FGF5: variants seen among roughly 807,000 people sequenced by gnomAD.
FGF5 encodes fibroblast growth factor 5, also known as heparin-binding growth factor 5.
FGF5 carries 23 observed loss-of-function variants against 21.8 expected under a neutral mutation model. The ratio of observed to expected loss-of-function variants is 1.05; its 90% CI spans 0.76 to 1.49. The LOEUF is 1.49. Among genes scored for constraint, FGF5 ranks in the 40% most tolerant of loss-of-function variants. The probability of loss-of-function intolerance (pLI) is 0.00; values close to 1 mark genes in which losing one functional copy is unlikely to be tolerated. For missense variants in FGF5, 352 were observed against 332.9 expected (o/e 1.06, Z -0.45); for synonymous variants, 158 against 124.0 (o/e 1.27, Z -1.82).
chr4:80,278,508 C>T (rs1370750292), intron 2 of FGF5, among the ~76,000 whole-genome samples: 1 of 152,014 alleles, frequency 6.6e-6, no homozygotes, highest in Non-Finnish European at 1.5e-5. Flanking sequence ...CTCCTGCCTC[C>T]CGAGATAAAC....
In FGF5 at chr4:80,286,957, A is replaced by G; in HGVS notation, c.*285A>G. 3 of 280,458 alleles carry G rather than the reference A, an allele frequency of 1.1e-5. No homozygotes were observed. The highest frequency in any genetic ancestry group is 1.1e-3 in the Middle Eastern group (1 of 952). The allele number at this position is 280,458 out of a possible 1,614,324, so 17.4% of individuals were successfully genotyped here. ...TAGAACTTTGTATTTTCGGAAAGTT[A>G]AATAACAGGGACTACGTATTTTTCT... On this transcript the variant is annotated 3_prime_UTR_variant, in exon 3 of 3. Transcript: ENST00000312465.
At position 80,266,764 on chromosome 4, in the gene FGF5, G is replaced by A; in HGVS notation, c.-61G>A. 7.3e-7 allele frequency: 1 copy of A among 1,377,550 alleles called. No individual in the cohort carries two copies. The highest frequency in any genetic ancestry group is 1.4e-5 in the South Asian group (1 of 72,252). The allele number at this position is 1,377,550 out of a possible 1,614,324, so 85.3% of individuals were successfully genotyped here. Reference sequence around the variant, plus strand: ...AGAGCCAGAGGCACGCAGCCGCACAGGGGCTACAGAGCCCAGAATCAGCCC... The same window carrying A: ...AGAGCCAGAGGCACGCAGCCGCACAAGGGCTACAGAGCCCAGAATCAGCCC... On this transcript the variant is annotated 5_prime_UTR_variant, in exon 1 of 3. Coordinates refer to ENST00000312465, the MANE Select transcript of FGF5 (RefSeq NM_004464.4).
Position 80,286,309 on chromosome 4 carries a change from T to C in FGF5, c.460-16T>C, listed in dbSNP as rs765741235. ...ATCGCCACAACTTAAATTTCCTCTT[T>C]TTTTCTCCTCCTTAGGCCAAGTTCA... On this transcript the variant is annotated splice_polypyrimidine_tract_variant and intron_variant, in intron 2 of 2. Coordinates refer to ENST00000312465, the MANE Select transcript of FGF5 (RefSeq NM_004464.4). 6.5e-7 allele frequency: 1 copy of C among 1,532,566 alleles called. No homozygotes were observed. The highest frequency in any genetic ancestry group is 8.8e-7 in the Non-Finnish European group (1 of 1,138,146). The allele number at this position is 1,532,566 out of a possible 1,614,324, so 94.9% of individuals were successfully genotyped here.
chr4:80,284,199 C>T (rs1012467057), intron 2 of FGF5, among the ~76,000 whole-genome samples: 2 of 152,038 alleles, frequency 1.3e-5, no homozygotes, highest in African/African-American at 2.4e-5. Context: ...TTTGGGAGGC[C>T]GAGGCAGGCA....
At chr4:80,273,006 C>T (rs1474113597) in intron 1 of FGF5, among the ~76,000 whole-genome samples, 1 of 151,942 alleles carries the variant, frequency 6.6e-6, no homozygotes, top group Non-Finnish European at 1.5e-5. Context: ...CATATTACAT[C>T]TGTGTAGAGT....
At chr4:80,272,063 C>T (rs1009808232) in intron 1 of FGF5, among the ~76,000 whole-genome samples, 4 of 152,120 alleles carry the variant, frequency 2.6e-5, no homozygotes, top group African/African-American at 9.7e-5. Flanking sequence ...AAATTATGAT[C>T]ATAACAGTGT....
intron 2 of FGF5, among the ~76,000 whole-genome samples, chr4:80,285,076 A>T (rs1352136958): frequency 3.9e-5 from 6 of 152,132 alleles, no homozygotes; most frequent in Non-Finnish European, 7.3e-5. Context: ...CCTCCTTTGG[A>T]TTCTCATAAC....
chr4:80,285,266 T>A (rs909744987), intron 2 of FGF5, among the ~76,000 whole-genome samples: 1 of 152,164 alleles, frequency 6.6e-6, no homozygotes, highest in African/African-American at 2.4e-5. Context: ...CTGACCTACA[T>A]TGTCTGGCTC....
At chr4:80,267,372 T>C (rs928256706) in intron 1 of FGF5, among the ~76,000 whole-genome samples, 193 bp downstream of exon 1, 2 of 152,174 alleles carry the variant, frequency 1.3e-5, no homozygotes, top group Non-Finnish European at 2.9e-5. Flanking sequence ...ACCCCTCTCC[T>C]GGGCATGAGG....
chr4:80,286,759 C>A lies in FGF5; in HGVS notation c.*87C>A. The A allele has an allele frequency of 1.0e-6, 1 of 961,236 alleles. No homozygotes were observed. The highest frequency in any genetic ancestry group is 1.6e-6 in the Non-Finnish European group (1 of 636,854). The allele number at this position is 961,236 out of a possible 1,614,324, so 59.5% of individuals were successfully genotyped here. A position where few individuals can be genotyped will look rare whatever the true frequency, so the allele number is the denominator to read the frequency against. ...AGAGTTCTGAAGAAAAATTACTGGA[C>A]ACAGCTTCAGCTATACTTACACTGT... On this transcript the variant is annotated 3_prime_UTR_variant, in exon 3 of 3. Coordinates refer to ENST00000312465, the MANE Select transcript of FGF5 (RefSeq NM_004464.4).
intron 1 of FGF5, among the ~76,000 whole-genome samples, chr4:80,273,814 G>C (rs1296608414): frequency 1.3e-5 from 2 of 152,028 alleles, no homozygotes; most frequent in Non-Finnish European, 2.9e-5. Context: ...CAAAGTGCTG[G>C]AATTACAGGC....
At chr4:80,270,869 T>C (rs1720253454) in intron 1 of FGF5, among the ~76,000 whole-genome samples, 1 of 152,372 alleles carries the variant, frequency 6.6e-6, no homozygotes, top group East Asian at 1.9e-4. Context: ...CTACCAATTT[T>C]GGGGTCATGT....
At chr4:80,283,435 G>C (rs528627462) in intron 2 of FGF5, among the ~76,000 whole-genome samples, 2 of 152,214 alleles carry the variant, frequency 1.3e-5, no homozygotes, top group Non-Finnish European at 2.9e-5. Context: ...CAATTGTAGG[G>C]GGTGGGGCAG....
At chr4:80,286,297 A>G (rs1375128664) in intron 2 of FGF5, 28 bp from the exon 3 acceptor site, 2 of 1,483,298 alleles carry the variant, frequency 1.3e-6, no homozygotes, top group Non-Finnish European at 1.8e-6. Context: ...GCCACAACTT[A>G]AATTTCCTCT....
intron 1 of FGF5, among the ~76,000 whole-genome samples, chr4:80,270,232 A>G (rs1720229993): frequency 6.6e-6 from 1 of 152,248 alleles, no homozygotes; most frequent in South Asian, 2.1e-4. Flanking sequence ...CAACCCTGAT[A>G]CTTCAGAAAA....
Position 80,290,128 on chromosome 4 carries a change from A to G in FGF5, c.*3456A>G, listed in dbSNP as rs964268121. The G allele has an allele frequency of 5.9e-5, 9 of 152,188 alleles. No individual in the cohort carries two copies. Among genetic ancestry groups the G allele is most frequent in the African/African-American group, 2.2e-4 (9 of 41,458 alleles). 9.4% of individuals were successfully genotyped at this position (152,188 alleles called of 1,614,324 possible). On this transcript the variant is annotated 3_prime_UTR_variant, in exon 3 of 3. Coordinates refer to ENST00000312465, the MANE Select transcript of FGF5 (RefSeq NM_004464.4). ...ATTCTGGCATAATTTTTACAGTTGC[A>G]GAGAATTGTTTCTGGGCTCATTAAA...
chr4:80,275,604 A>G (rs994916020), intron 2 of FGF5, among the ~76,000 whole-genome samples: 2 of 152,030 alleles, frequency 1.3e-5, no homozygotes, highest in Non-Finnish European at 2.9e-5. Flanking sequence ...CTAATTTTGC[A>G]TTCTCAAAAA....
intron 2 of FGF5, among the ~76,000 whole-genome samples, chr4:80,275,680 G>T (rs1355027377): frequency 6.6e-6 from 1 of 151,932 alleles, no homozygotes; most frequent in Non-Finnish European, 1.5e-5. Flanking sequence ...TGTTATGAAA[G>T]TTCCCATTAC....
chr4:80,267,762 CAGAT>C (rs748765687), intron 1 of FGF5, among the ~76,000 whole-genome samples: 98 of 109,536 alleles, frequency 8.9e-4, no homozygotes, highest in Non-Finnish European at 1.3e-3. Flanking sequence ...GATAGATACA[CAGAT>C]AGATAGACAG....
Sources: allele counts gnomAD v4.1 joint callset (sites outside exome capture counted in the v4.1 genomes callset), GRCh38; gene constraint gnomAD v4.1.1; transcripts MANE v1.5; gene names NCBI Gene and HGNC (gene_info 2026-07-23, HGNC 2026-07-21).